Variants in ZDHHC8 observed in about 807,000 individuals in gnomAD.
The protein encoded by ZDHHC8 is palmitoyltransferase ZDHHC8.
Under a neutral mutation model 61.2 loss-of-function variants are expected in ZDHHC8, and 24 were observed. That is an observed-to-expected ratio of 0.39 (90% CI 0.28 to 0.55). The LOEUF (loss-of-function observed/expected upper bound fraction) is 0.55. Among genes scored for constraint, ZDHHC8 ranks in the 20% least tolerant of loss-of-function variants. ZDHHC8 has a pLI of 0.60. For synonymous variants in ZDHHC8, 523 were observed against 492.5 expected (o/e 1.06, Z -0.82); for missense variants, 935 against 1,102.1 (o/e 0.85, Z 2.15).
chr22:20,141,382 C>G (rs1188418260), intron 8 of ZDHHC8, 39 bp from the exon 9 acceptor site: 14 of 1,611,508 alleles, frequency 8.7e-6, no homozygotes, highest in African/African-American at 2.7e-5. Flanking sequence ...TGGGTTGACC[C>G]TCCTCTGACC....
chr22:20,140,542 T>C, intron 5 of ZDHHC8, 75 bp from the exon 6 acceptor site: 1 of 1,421,694 alleles, frequency 7.0e-7, no homozygotes. Flanking sequence ...GAACCCCAGC[T>C]CCCTTGCCCA....
At chr22:20,140,088 C>T (rs1326501821) in intron 4 of ZDHHC8, 27 bp from the exon 5 acceptor site, 1 of 1,611,464 alleles carries the variant, frequency 6.2e-7, no homozygotes, top group Non-Finnish European at 8.5e-7. Flanking sequence ...GGTGTCCTGG[C>T]CTGCACCGTT....
In ZDHHC8 at chr22:20,142,887, G is replaced by C. The variant is rs543708453; in HGVS notation, c.1257G>C (p.Pro419=). The C allele has an allele frequency of 6.2e-7, 1 of 1,611,590 alleles. No individual in the cohort carries two copies. The highest frequency in any genetic ancestry group is 1.1e-5 in the South Asian group (1 of 90,952). Residue 419 remains proline (P), a synonymous_variant, in exon 10 of 11, where the codon CCG becomes CCC. Transcript: ENST00000334554. ...GLHAAYPPSP[P]LSASDAFSGA... is the part of the protein sequence containing the mutation. ...ATGCAGCCTACCCGCCATCCCCACC[G>C]CTCAGCGCCTCTGATGCCTTCTCGG...
At chr22:20,140,380 G>A (rs916056671) in intron 5 of ZDHHC8, 163 bp downstream of exon 5, 12 of 803,902 alleles carry the variant, frequency 1.5e-5, no homozygotes, top group Middle Eastern at 3.5e-4. Flanking sequence ...CGCCTGCCCC[G>A]TCCCCTGCGC....
intron 1 of ZDHHC8, among the ~76,000 whole-genome samples, chr22:20,134,929 TTTG>T (rs769822978): frequency 3.4e-4 from 51 of 151,898 alleles, no homozygotes; most frequent in Non-Finnish European, 6.2e-4. Context: ...TTCCTAGGAT[TTTG>T]TTGTTGTTTG....
chr22:20,143,334 G>T lies in ZDHHC8; in HGVS notation c.1704G>T (p.Gln568His), dbSNP rs1319571133. 1 of 1,589,908 alleles carries T rather than the reference G, an allele frequency of 6.3e-7. No homozygotes were observed. Among genetic ancestry groups the T allele is most frequent in the Non-Finnish European group, 8.5e-7 (1 of 1,171,348 alleles). The change falls in exon 10 of 11, where the codon CAG becomes CAT. Residue 568 changes from glutamine (Q) to histidine (H), a missense_variant. Physicochemically the swap from Gln to His is conservative, Grantham distance 24 (BLOSUM62 0). This residue lies in a region of ZDHHC8 where 692 missense variants were observed against 731.4 expected (regional missense o/e 0.95). Coordinates refer to ENST00000334554, the MANE Select transcript of ZDHHC8 (RefSeq NM_013373.4). ...REERERLLRS[Q>H]ADSLFGDSGV... is the part of the protein sequence containing the mutation. ...AGCGTGAGCGCCTGCTGCGCTCCCAGGCCGACTCACTCTTCGGCGACTCAG... is the reference window on the plus strand; with the variant it reads ...AGCGTGAGCGCCTGCTGCGCTCCCATGCCGACTCACTCTTCGGCGACTCAG...
In ZDHHC8 at chr22:20,141,024, G is replaced by A; in HGVS notation, c.894+12G>A. On this transcript the variant is annotated intron_variant, in intron 7 of 10. Transcript: ENST00000334554. ...TGGGCCGTAGCAAGGTGGGCGCCTG[G>A]GCTTAGGGATGGGCTGGCAGTCAGG... The A allele has an allele frequency of 6.2e-7, 1 of 1,610,184 alleles. No homozygotes were observed. Among genetic ancestry groups the A allele is most frequent in the Non-Finnish European group, 8.5e-7 (1 of 1,179,876 alleles).
rs532151656 is a variant in ZDHHC8 at position 20,133,978 on chromosome 22, G to C, written c.104+1927G>C. Among the ~76,000 whole-genome samples, 8 of 152,284 alleles carry C rather than the reference G, an allele frequency of 5.3e-5. No homozygotes were observed. In the East Asian group the frequency reaches 1.4e-3, roughly 26 times the overall value. ...ACCCAGCCCTAGGCATGGAGTGCTT[G>C]GGTGGCTCCCACTCTGCTGAGCACC... On this transcript the variant is annotated intron_variant, in intron 1 of 10. Transcript: ENST00000334554.
intron 10 of ZDHHC8, among the ~76,000 whole-genome samples, chr22:20,144,632 C>G (rs895012531): frequency 3.3e-5 from 5 of 152,186 alleles, no homozygotes; most frequent in Non-Finnish European, 5.9e-5. Context: ...CAGGGTGGGA[C>G]CTGTTCAGCT....
chr22:20,133,606 G>A (rs1260873702), intron 1 of ZDHHC8, among the ~76,000 whole-genome samples: 4 of 151,678 alleles, frequency 2.6e-5, no homozygotes, highest in East Asian at 1.9e-4. Context: ...GTGGGCACCT[G>A]TAATCCCAGC....
At chr22:20,141,180 C>T in intron 7 of ZDHHC8, 37 bp from the exon 8 acceptor site, 1 of 1,597,414 alleles carries the variant, frequency 6.3e-7, no homozygotes, top group Non-Finnish European at 8.5e-7. Context: ...TGCCCCTCAT[C>T]CAAGCCCCAC....
At chr22:20,139,660 C>T in intron 3 of ZDHHC8, 25 bp downstream of exon 3, 2 of 1,611,158 alleles carry the variant, frequency 1.2e-6, no homozygotes, top group Non-Finnish European at 8.5e-7. Flanking sequence ...GCCCCGCGCT[C>T]CCCCAGCCCT....
chr22:20,143,326 C>T lies in ZDHHC8; in HGVS notation c.1696C>T (p.Arg566Cys), dbSNP rs775330350. 5.7e-6 allele frequency: 9 copies of T among 1,591,098 alleles called. No homozygotes were observed. Among genetic ancestry groups the T allele is most frequent in the Middle Eastern group, 1.7e-4 (1 of 5,898 alleles). ...CAGGGAGGAGCGTGAGCGCCTGCTG[C>T]GCTCCCAGGCCGACTCACTCTTCGG... ...KDREERERLL[R>C]SQADSLFGDS... is the part of the protein sequence containing the mutation. The change falls in exon 10 of 11, where the codon CGC (arginine) becomes TGC (cysteine). Residue 566 changes from arginine (R) to cysteine (C), a missense_variant. By Grantham distance (180) the Arg-to-Cys change is radical (BLOSUM62 -3). Transcript: ENST00000334554.
chr22:20,132,890 C>T (rs1054253348), intron 1 of ZDHHC8, among the ~76,000 whole-genome samples: 3 of 152,224 alleles, frequency 2.0e-5, no homozygotes, highest in Non-Finnish European at 1.5e-5. Context: ...CTCCAGGCTT[C>T]GGTTGCACAG....
Position 20,146,882 on chromosome 22 carries a change from A to C in ZDHHC8, c.*1482A>C. ...CACATGCCAGGGGCAGGGCTGAGGGAGTGTGAGGGATGCACAGCTGTTCAG... is the reference window on the plus strand; with the variant it reads ...CACATGCCAGGGGCAGGGCTGAGGGCGTGTGAGGGATGCACAGCTGTTCAG... On this transcript the variant is annotated 3_prime_UTR_variant, in exon 11 of 11. Coordinates refer to ENST00000334554, the MANE Select transcript of ZDHHC8 (RefSeq NM_013373.4). The C allele has an allele frequency of 7.8e-7, 1 of 1,283,938 alleles. No individual in the cohort carries two copies. The highest frequency in any genetic ancestry group is 9.8e-7 in the Non-Finnish European group (1 of 1,017,126). The allele number at this position is 1,283,938 out of a possible 1,614,324, so 79.5% of individuals were successfully genotyped here.
chr22:20,145,173 TCC>T, intron 10 of ZDHHC8, 54 bp from the exon 11 acceptor site: 1 of 1,362,134 alleles, frequency 7.3e-7, no homozygotes, highest in South Asian at 1.8e-5. Flanking sequence ...CCGTCCTCTG[TCC>T]CCGTGTTCGT....
chr22:20,138,220 G>A (rs1340017231), intron 1 of ZDHHC8, among the ~76,000 whole-genome samples: 5 of 152,342 alleles, frequency 3.3e-5, no homozygotes, highest in African/African-American at 1.2e-4. Context: ...CTAGCCCCCC[G>A]ACTATGCAGA....
At chr22:20,140,513 G>C in intron 5 of ZDHHC8, 104 bp from the exon 6 acceptor site, 2 of 1,246,318 alleles carry the variant, frequency 1.6e-6, no homozygotes, top group Non-Finnish European at 2.2e-6. Context: ...GCCACTTCCC[G>C]CAAGTATCAG....
intron 1 of ZDHHC8, 135 bp from the exon 2 acceptor site, chr22:20,139,059 G>A: frequency 7.6e-7 from 1 of 1,319,508 alleles, no homozygotes; most frequent in African/African-American, 1.5e-5. Context: ...TCTTGGCAGG[G>A]CTGTGGCAGC....
Sources: allele counts gnomAD v4.1 joint callset (sites outside exome capture counted in the v4.1 genomes callset), GRCh38; gene constraint gnomAD v4.1.1; regional missense constraint gnomAD v4.1.1; transcripts MANE v1.5; gene names NCBI Gene and HGNC (gene_info 2026-07-23, HGNC 2026-07-21).